Variants in CCDC148 observed in about 807,000 individuals in gnomAD.
The protein encoded by CCDC148 is coiled-coil domain-containing protein 148.
In CCDC148, 89 loss-of-function variants were observed where a neutral mutation model predicts 85.7. That is an observed-to-expected ratio of 1.04 (90% confidence interval 0.87 to 1.24). The LOEUF (loss-of-function observed/expected upper bound fraction) is 1.24, where lower values mean the gene tolerates loss of function less well. Ranked by LOEUF, CCDC148 falls within the 50% of genes most tolerant of loss-of-function variation. CCDC148 has a pLI of 0.00. For missense variants in CCDC148, 692 were observed against 671.7 expected (o/e 1.03, Z -0.33); for synonymous variants, 230 against 213.9 (o/e 1.08, Z -0.66).
intron 9 of CCDC148, among the ~76,000 whole-genome samples, chr2:158,287,961 C>T (rs1391986695): frequency 6.6e-6 from 1 of 152,204 alleles, no homozygotes; most frequent in African/African-American, 2.4e-5. Flanking sequence ...CTTCTGGAAC[C>T]TAGGAAGAGG....
chr2:158,358,391 C>G, intron 2 of CCDC148, 58 bp downstream of exon 2: 2 of 1,573,280 alleles, frequency 1.3e-6, no homozygotes, highest in Non-Finnish European at 1.7e-6. Flanking sequence ...AATGTAAATA[C>G]TTTCCAGCAA....
At position 158,243,646 on chromosome 2, in the gene CCDC148, CTAAA is replaced by C. The variant is rs1294028126; in HGVS notation, c.1251+7122_1251+7125del. Among the ~76,000 whole-genome samples the C allele has an allele frequency of 2.0e-5, 3 of 152,100 alleles. No homozygotes were observed. The East Asian group carries it at 5.8e-4, about 29-fold the overall frequency. On this transcript the variant is annotated intron_variant, in intron 10 of 13. Coordinates refer to ENST00000283233, the MANE Select transcript of CCDC148 (RefSeq NM_138803.4). ...TCTCCCAGAAGGGTCTTTTATATAACTAAATACTCTGACTTTTGATCTTTTCAAG... is the reference window on the plus strand; with the variant it reads ...TCTCCCAGAAGGGTCTTTTATATAACTACTCTGACTTTTGATCTTTTCAAG...
At chr2:158,190,927 C>T (rs1209117116) in intron 11 of CCDC148, among the ~76,000 whole-genome samples, 1 of 151,824 alleles carries the variant, frequency 6.6e-6, no homozygotes, top group East Asian at 1.9e-4. Flanking sequence ...ATCACAAATA[C>T]TAAAAGAGGC....
chr2:158,244,864 C>T (rs966206976), intron 10 of CCDC148, among the ~76,000 whole-genome samples: 7 of 152,034 alleles, frequency 4.6e-5, no homozygotes, highest in African/African-American at 7.2e-5. Flanking sequence ...ATTCATTGAC[C>T]GACCCCTTTA....
At chr2:158,323,294 T>C (rs1443234355) in intron 7 of CCDC148, among the ~76,000 whole-genome samples, 1 of 152,214 alleles carries the variant, frequency 6.6e-6, no homozygotes, top group East Asian at 1.9e-4. Flanking sequence ...GCTGACCAGA[T>C]TTCAAAGACT....
At chr2:158,447,062 A>C (rs2105347311) in intron 1 of CCDC148, 1 of 152,332 alleles carries the variant, frequency 6.6e-6, no homozygotes, top group African/African-American at 2.4e-5. Flanking sequence ...GCTACTGTTC[A>C]TGTAAAAGTC....
chr2:158,204,706 C>T (rs912441919), intron 11 of CCDC148, among the ~76,000 whole-genome samples: 4 of 149,108 alleles, frequency 2.7e-5, no homozygotes, highest in South Asian at 2.2e-4. Flanking sequence ...ATCCTCTCCA[C>T]GCCCTGTCAA....
At chr2:158,398,332 C>T (rs891830573) in intron 1 of CCDC148, among the ~76,000 whole-genome samples, 1 of 152,156 alleles carries the variant, frequency 6.6e-6, no homozygotes, top group Admixed American at 6.6e-5. Context: ...ACATTCTTCT[C>T]AGCACCACAT....
intron 1 of CCDC148, among the ~76,000 whole-genome samples, chr2:158,391,131 G>A (rs983302233): frequency 1.3e-5 from 2 of 152,114 alleles, no homozygotes; most frequent in African/African-American, 4.8e-5. Context: ...TGAGTGAAAG[G>A]ATATGTTTCC....
intron 11 of CCDC148, among the ~76,000 whole-genome samples, chr2:158,182,864 T>C (rs1377610605): frequency 6.6e-6 from 1 of 152,168 alleles, no homozygotes; most frequent in African/African-American, 2.4e-5. Flanking sequence ...AATACTCACA[T>C]ATTCATGGGG....
intron 1 of CCDC148, among the ~76,000 whole-genome samples, chr2:158,411,435 TC>T (rs546560946): frequency 1.0e-3 from 154 of 152,188 alleles, no homozygotes; most frequent in African/African-American, 3.6e-3. Context: ...GTATTTAAGT[TC>T]CCTGATTGTT....
intron 7 of CCDC148, among the ~76,000 whole-genome samples, chr2:158,323,258 A>G (rs1454088189): frequency 6.6e-6 from 1 of 152,228 alleles, no homozygotes; most frequent in Non-Finnish European, 1.5e-5. Context: ...GGCAGTCCAA[A>G]TTAAGATGTG....
chr2:158,252,945 C>T (rs1446469356), intron 9 of CCDC148, among the ~76,000 whole-genome samples: 1 of 151,784 alleles, frequency 6.6e-6, no homozygotes, highest in Non-Finnish European at 1.5e-5. Flanking sequence ...CATAGCTTCA[C>T]ATCAAACCCT....
At chr2:158,239,281 C>T (rs929622555) in intron 10 of CCDC148, among the ~76,000 whole-genome samples, 5 of 151,320 alleles carry the variant, frequency 3.3e-5, no homozygotes, top group Non-Finnish European at 5.9e-5. Context: ...TCCTGATTAT[C>T]CAGGCTTTCT....
Position 158,220,686 on chromosome 2 carries a change from G to A in CCDC148, c.1279C>T (p.Gln427Ter). 6.3e-7 allele frequency: 1 copy of A among 1,583,860 alleles called. No individual in the cohort carries two copies. The highest frequency in any genetic ancestry group is 8.5e-7 in the Non-Finnish European group (1 of 1,171,910). The change falls in exon 11 of 14, where the codon CAG becomes TAG. Residue 427 changes from glutamine to a stop codon, truncating the protein, a stop_gained. Transcript: ENST00000283233. LOFTEE classifies it high-confidence loss of function. ...CTCATTTCCATTTCTTGCCACTTCT[G>A]TTTTTTCTTGGCCCAGTATTTTTTT... ...KIKKYWAKKK[Q>*]KWQEMEMRDL...
intron 1 of CCDC148, among the ~76,000 whole-genome samples, chr2:158,431,972 C>T (rs1483052046): frequency 6.6e-6 from 1 of 151,762 alleles, no homozygotes; most frequent in Admixed American, 6.6e-5. Flanking sequence ...GCACTGTTTA[C>T]CACACATATA....
chr2:158,325,392 CTT>C (rs754450787), intron 7 of CCDC148, among the ~76,000 whole-genome samples: 1 of 152,202 alleles, frequency 6.6e-6, no homozygotes, highest in Admixed American at 6.6e-5. Context: ...ACTACACTCT[CTT>C]TGTTTTCATA....
Position 158,364,814 on chromosome 2 carries a change from G to T in CCDC148, c.26-6244C>A, listed in dbSNP as rs186512607. ...AACAAAAGCCAAAATTGACAAATGG[G>T]ATCTAATTAAAATAAAGAGCTTCTA... On this transcript the variant is annotated intron_variant, in intron 1 of 13. Coordinates refer to ENST00000283233, the MANE Select transcript of CCDC148 (RefSeq NM_138803.4). 2.9e-3 allele frequency among the ~76,000 whole-genome samples: 438 copies of T among 152,222 alleles called. 3 individuals are homozygous for T. The highest frequency in any genetic ancestry group is 0.01 in the African/African-American group (425 of 41,534).
chr2:158,267,543 C>T (rs1689521230), intron 9 of CCDC148, among the ~76,000 whole-genome samples: 1 of 152,142 alleles, frequency 6.6e-6, no homozygotes, highest in Admixed American at 6.6e-5. Flanking sequence ...TTACATCTAC[C>T]CCTAGGTCAT....
Sources: allele counts gnomAD v4.1 joint callset (sites outside exome capture counted in the v4.1 genomes callset), GRCh38; gene constraint gnomAD v4.1.1; transcripts MANE v1.5; gene names NCBI Gene and HGNC (gene_info 2026-07-23, HGNC 2026-07-21).